Variants in GRID1 observed in about 807,000 individuals in gnomAD.
GRID1 encodes glutamate ionotropic receptor delta type subunit 1.
A neutral mutation model predicts 98.0 loss-of-function variants in GRID1; 28 were observed. That is an observed-to-expected ratio of 0.29 (90% CI 0.21 to 0.39). The LOEUF (loss-of-function observed/expected upper bound fraction) is 0.39, where lower values mean the gene tolerates loss of function less well. Among genes scored for constraint, GRID1 ranks in the 10% least tolerant of loss-of-function variants. GRID1 has a pLI of 1.00. For synonymous variants in GRID1, 553 were observed against 538.5 expected (o/e 1.03, Z -0.37); for missense variants, 1,111 against 1,340.5 (o/e 0.83, Z 2.67).
intron 3 of GRID1, among the ~76,000 whole-genome samples, chr10:86,144,856 C>T (rs1372238144): frequency 6.6e-6 from 1 of 152,200 alleles, no homozygotes; most frequent in Admixed American, 6.5e-5. Context: ...AAGCCCACAT[C>T]CTGGACTGGC....
chr10:85,689,524 A>G (rs1841309249), intron 12 of GRID1, among the ~76,000 whole-genome samples: 1 of 152,188 alleles, frequency 6.6e-6, no homozygotes, highest in Non-Finnish European at 1.5e-5. Context: ...AACATTCAGA[A>G]GTTGCTGATA....
In GRID1 at chr10:85,800,926, T is replaced by C. The variant is rs1452505103; in HGVS notation, c.1233+53570A>G. Among the ~76,000 whole-genome samples, 3 of 151,996 alleles carry C rather than the reference T, an allele frequency of 2.0e-5. No homozygotes were observed. In the East Asian group the frequency reaches 5.8e-4, roughly 29 times the overall value. ...CAGAATCTGGCTACAGAGTTTGAGC[T>C]GTTTCGTTAAAATAGAAAGACTCCA... On this transcript the variant is annotated intron_variant, in intron 8 of 15. Coordinates refer to ENST00000327946, the MANE Select transcript of GRID1 (RefSeq NM_017551.3).
At chr10:86,179,805 A>C (rs1845628919) in intron 3 of GRID1, among the ~76,000 whole-genome samples, 1 of 152,128 alleles carries the variant, frequency 6.6e-6, no homozygotes, top group African/African-American at 2.4e-5. Context: ...ATGAAACACC[A>C]CCACAACATG....
At chr10:86,236,503 T>C (rs767030863) in intron 2 of GRID1, among the ~76,000 whole-genome samples, 7 of 152,192 alleles carry the variant, frequency 4.6e-5, no homozygotes, top group Non-Finnish European at 7.3e-5. Context: ...AAGGTCTGCA[T>C]GGTCTTGGCC....
chr10:85,881,698 C>G (rs1177653159), intron 5 of GRID1, among the ~76,000 whole-genome samples: 4 of 152,116 alleles, frequency 2.6e-5, no homozygotes, highest in South Asian at 4.1e-4. Context: ...CAATACCATT[C>G]AGGACATAGG....
chr10:85,800,499 C>T (rs1031393807), intron 8 of GRID1, among the ~76,000 whole-genome samples: 5 of 151,730 alleles, frequency 3.3e-5, no homozygotes, highest in African/African-American at 1.2e-4. Flanking sequence ...AGTTCAAAAC[C>T]ATCTAGAACT....
intron 8 of GRID1, among the ~76,000 whole-genome samples, chr10:85,775,573 T>C (rs1311379492): frequency 6.6e-6 from 1 of 152,158 alleles, no homozygotes; most frequent in Non-Finnish European, 1.5e-5. Flanking sequence ...GTTGCAGAAC[T>C]AACTATTGGG....
At chr10:85,909,878 T>G (rs1267204109) in intron 5 of GRID1, among the ~76,000 whole-genome samples, 1 of 152,200 alleles carries the variant, frequency 6.6e-6, no homozygotes, top group African/African-American at 2.4e-5. Context: ...TTTAACAACT[T>G]GTACACTTAA....
intron 5 of GRID1, among the ~76,000 whole-genome samples, chr10:85,901,441 G>A (rs1841386876): frequency 6.6e-6 from 1 of 151,910 alleles, no homozygotes; most frequent in African/African-American, 2.4e-5. Flanking sequence ...GTAGAGACGG[G>A]GTTTCACCGT....
intron 8 of GRID1, among the ~76,000 whole-genome samples, chr10:85,824,322 T>C (rs1208279835): frequency 6.6e-6 from 1 of 152,100 alleles, no homozygotes; most frequent in African/African-American, 2.4e-5. Flanking sequence ...AGTGATTCTC[T>C]TGCCTCAGCT....
chr10:86,309,914 C>G (rs1847809498), intron 2 of GRID1, among the ~76,000 whole-genome samples: 5 of 152,196 alleles, frequency 3.3e-5, no homozygotes, highest in Admixed American at 3.3e-4. Context: ...GTGTTTCCTC[C>G]AGCCAGGACA....
intron 8 of GRID1, among the ~76,000 whole-genome samples, chr10:85,834,299 A>G (rs953841063): frequency 2.6e-5 from 4 of 152,250 alleles, no homozygotes; most frequent in Non-Finnish European, 5.9e-5. Context: ...TATGGTAATC[A>G]GTAGAAAATG....
At chr10:85,634,998 GAAAAAAAAAAAAAAAAAA>G (rs140144576) in intron 13 of GRID1, among the ~76,000 whole-genome samples, 11,547 of 35,050 alleles carry the variant, frequency 0.33, 583 homozygotes, top group Non-Finnish European at 0.41. Flanking sequence ...GAGGAAATCT[GAAAAAAAAAAAAAAAAAA>G]AAAAAAAAAA....
At chr10:85,628,054 G>A (rs1842932170) in intron 13 of GRID1, among the ~76,000 whole-genome samples, 1 of 152,068 alleles carries the variant, frequency 6.6e-6, no homozygotes, top group African/African-American at 2.4e-5. Flanking sequence ...ATGTGCATAT[G>A]TGTAAGTGTG....
chr10:85,920,294 C>T (rs1377389901), intron 4 of GRID1, among the ~76,000 whole-genome samples: 1 of 152,156 alleles, frequency 6.6e-6, no homozygotes, highest in Non-Finnish European at 1.5e-5. Flanking sequence ...TTGTGAGAGT[C>T]AAATGAAATT....
intron 2 of GRID1, among the ~76,000 whole-genome samples, chr10:86,329,895 G>A (rs1487996144): frequency 6.6e-6 from 1 of 152,184 alleles, no homozygotes; most frequent in Non-Finnish European, 1.5e-5. Flanking sequence ...AGGCCAGCCT[G>A]TGAGGCCAAG....
intron 4 of GRID1, among the ~76,000 whole-genome samples, chr10:85,923,126 G>A (rs1841727681): frequency 1.0e-5 from 1 of 100,236 alleles, no homozygotes. Flanking sequence ...TTTCCCAGGA[G>A]CCAGCCCCTC....
intron 12 of GRID1, among the ~76,000 whole-genome samples, chr10:85,707,067 C>A (rs1027140454): frequency 6.6e-6 from 1 of 152,168 alleles, no homozygotes; most frequent in African/African-American, 2.4e-5. Flanking sequence ...GACTTCATGT[C>A]TAAAACACCA....
At chr10:85,615,706 G>A (rs976971390) in intron 14 of GRID1, among the ~76,000 whole-genome samples, 56 of 152,170 alleles carry the variant, frequency 3.7e-4, no homozygotes, top group African/African-American at 5.6e-4. Flanking sequence ...CTGGACAGCC[G>A]CAGTGTTGCA....
Sources: gnomAD v4.1 joint callset for allele counts (sites outside exome capture counted in the v4.1 genomes callset) on GRCh38, gnomAD v4.1.1 for gene constraint, MANE v1.5 for transcripts, NCBI Gene and HGNC (gene_info 2026-07-23, HGNC 2026-07-21) for gene names.